PALM2AKAP2: variants seen among roughly 807,000 people sequenced by gnomAD.
The protein encoded by PALM2AKAP2 is PALM2 and AKAP2 fusion, also known as PALM2-AKAP2 fusion protein.
In PALM2AKAP2, 37 loss-of-function variants were observed where a neutral mutation model predicts 71.5. The ratio of observed to expected loss-of-function variants is 0.52; its 90% CI spans 0.40 to 0.68. The LOEUF is 0.68. PALM2AKAP2 is among the 30% of genes least tolerant of loss of function. The pLI is 0.00. For synonymous variants in PALM2AKAP2, 468 were observed against 478.8 expected (o/e 0.98, Z 0.29); for missense variants, 1,224 against 1,191.8 (o/e 1.03, Z -0.40).
At chr9:109,913,251 C>T (rs1371048674) in intron 3 of PALM2AKAP2, among the ~76,000 whole-genome samples, 2 of 152,142 alleles carry the variant, frequency 1.3e-5, no homozygotes, top group African/African-American at 2.4e-5. Context: ...TTTATAGGAG[C>T]GATCAGCTCG....
chr9:109,829,700 A>T (rs1006802878), intron 1 of PALM2AKAP2, among the ~76,000 whole-genome samples: 2 of 151,638 alleles, frequency 1.3e-5, no homozygotes, highest in Admixed American at 1.3e-4. Context: ...CCAGAGCGTC[A>T]TTTGAGGCGT....
intron 1 of PALM2AKAP2, among the ~76,000 whole-genome samples, chr9:109,840,910 A>G (rs1192446226): frequency 6.6e-6 from 1 of 152,186 alleles, no homozygotes; most frequent in African/African-American, 2.4e-5. Flanking sequence ...ACACTTTTAC[A>G]CTGTTGGTGG....
chr9:109,858,461 A>G (rs1829226746), intron 1 of PALM2AKAP2, among the ~76,000 whole-genome samples: 1 of 152,166 alleles, frequency 6.6e-6, no homozygotes, highest in African/African-American at 2.4e-5. Flanking sequence ...AAGCTGGCCC[A>G]ACCTACTCAT....
At position 109,881,876 on chromosome 9, in the gene PALM2AKAP2, CTTTTTTTTTTTTTT is replaced by C. The variant is rs565835467; in HGVS notation, c.257+1209_257+1222del. ...TCTCTGTCTTCTGAGCTTATGAGCT[CTTTTTTTTTTTTTT>C]TTTTTTTTTTTTTAGATGGAGTCTC... On this transcript the variant is annotated intron_variant, in intron 3 of 9. Transcript: ENST00000302798. Among the ~76,000 whole-genome samples the C allele has an allele frequency of 1.7e-4, 16 of 95,114 alleles. No homozygotes were observed. The East Asian group carries it at 2.5e-3, about 15-fold the overall frequency. The allele number at this position is 95,114 out of a possible 152,430, so 62.4% of individuals were successfully genotyped here. A position where few individuals can be genotyped will look rare whatever the true frequency, so the allele number is the denominator to read the frequency against.
At chr9:110,130,484 TAAAG>T (rs1220817310) in intron 1 of PALM2AKAP2, among the ~76,000 whole-genome samples, 5 of 152,216 alleles carry the variant, frequency 3.3e-5, no homozygotes, top group Admixed American at 2.0e-4. Flanking sequence ...TTTTGGTAAA[TAAAG>T]GCGACTTTAG....
At chr9:109,643,992 AGGGGTGGC>A (rs1486312289) in intron 1 of PALM2AKAP2, among the ~76,000 whole-genome samples, 1 of 132,142 alleles carries the variant, frequency 7.6e-6, no homozygotes, top group Admixed American at 7.2e-5. Context: ...AGCAAGAGCA[AGGGGTGGC>A]GGGGGTGTCA....
chr9:109,977,222 A>G (rs1165320161), intron 6 of PALM2AKAP2, among the ~76,000 whole-genome samples: 4 of 152,188 alleles, frequency 2.6e-5, no homozygotes, highest in Non-Finnish European at 5.9e-5. Context: ...ACCAGGGAAT[A>G]CAAGTACAGG....
intron 7 of PALM2AKAP2, among the ~76,000 whole-genome samples, chr9:110,017,020 C>T (rs771712600): frequency 8.5e-5 from 13 of 152,096 alleles, no homozygotes; most frequent in Non-Finnish European, 1.5e-4. Flanking sequence ...GCTGGGACTA[C>T]AGGCGCCAGC....
At chr9:110,101,391 T>C (rs1198410884) in intron 1 of PALM2AKAP2, among the ~76,000 whole-genome samples, 1 of 143,188 alleles carries the variant, frequency 7.0e-6, no homozygotes, top group South Asian at 2.1e-4. Flanking sequence ...TGCTGGGAGT[T>C]AATCTCTCTC....
At chr9:109,925,226 G>A in intron 5 of PALM2AKAP2, 144 bp downstream of exon 5, 7 of 1,269,620 alleles carry the variant, frequency 5.5e-6, no homozygotes, top group Non-Finnish European at 7.8e-6. Context: ...GCAGGCCACT[G>A]AGGAGGTCCA....
chr9:109,650,281 G>T (rs1003672738), intron 1 of PALM2AKAP2, among the ~76,000 whole-genome samples: 8 of 151,794 alleles, frequency 5.3e-5, no homozygotes, highest in African/African-American at 1.9e-4. Context: ...GTTAAGATCT[G>T]TAGAGGACTA....
At chr9:110,006,046 C>G (rs1832774916) in intron 6 of PALM2AKAP2, among the ~76,000 whole-genome samples, 1 of 152,194 alleles carries the variant, frequency 6.6e-6, no homozygotes, top group Non-Finnish European at 1.5e-5. Flanking sequence ...CACCCACTGT[C>G]CAACAATCCC....
chr9:109,741,119 T>A (rs1322204155), intron 1 of PALM2AKAP2, among the ~76,000 whole-genome samples: 2 of 152,170 alleles, frequency 1.3e-5, no homozygotes, highest in Non-Finnish European at 2.9e-5. Context: ...GAAAGTTTAT[T>A]TGTGATGCTT....
intron 6 of PALM2AKAP2, among the ~76,000 whole-genome samples, chr9:109,951,587 C>A (rs1048360910): frequency 6.6e-6 from 1 of 152,224 alleles, no homozygotes; most frequent in African/African-American, 2.4e-5. Flanking sequence ...TAAACACTAA[C>A]CCAGTGCCTC....
At chr9:110,047,343 G>A (rs1252237772), upstream of PALM2AKAP2, among the ~76,000 whole-genome samples, 1 of 152,210 alleles carries the variant, frequency 6.6e-6, no homozygotes, top group African/African-American at 2.4e-5. Flanking sequence ...TCAAGGCAGG[G>A]AAGAAGTCTT....
At chr9:109,702,858 G>A (rs560956566) in intron 1 of PALM2AKAP2, among the ~76,000 whole-genome samples, 9 of 148,730 alleles carry the variant, frequency 6.1e-5, no homozygotes, top group African/African-American at 1.5e-4. Context: ...TCACTTGGTC[G>A]CCTAGGCTGG....
chr9:109,803,121 A>C (rs755624666), intron 1 of PALM2AKAP2, among the ~76,000 whole-genome samples: 1 of 152,236 alleles, frequency 6.6e-6, no homozygotes, highest in Non-Finnish European at 1.5e-5. Context: ...AAGAAACACT[A>C]ACACATTAAA....
intron 3 of PALM2AKAP2, among the ~76,000 whole-genome samples, chr9:109,907,133 G>A (rs1337034774): frequency 6.6e-6 from 1 of 152,054 alleles, no homozygotes; most frequent in African/African-American, 2.4e-5. Context: ...ATCCTGCCCT[G>A]CCTCCCCACA....
intron 1 of PALM2AKAP2, 40 bp downstream of exon 1, chr9:109,780,573 G>A: frequency 6.2e-7 from 1 of 1,612,734 alleles, no homozygotes; most frequent in Admixed American, 1.7e-5. Context: ...TCTATTGTCT[G>A]GGGTGGAAGG....
Sources: allele counts gnomAD v4.1 joint callset (sites outside exome capture counted in the v4.1 genomes callset), GRCh38; gene constraint gnomAD v4.1.1; transcripts MANE v1.5; gene names NCBI Gene and HGNC (gene_info 2026-07-23, HGNC 2026-07-21).